Variants in C12orf56 observed in about 807,000 individuals in gnomAD.
The protein encoded by C12orf56 is chromosome 12 open reading frame 56.
C12orf56 carries 71 observed loss-of-function variants against 69.9 expected under a neutral mutation model. That is an observed-to-expected ratio of 1.02 (90% CI 0.84 to 1.24). The LOEUF (loss-of-function observed/expected upper bound fraction) is 1.24, where lower values mean the gene tolerates loss of function less well. Among genes scored for constraint, C12orf56 ranks in the 50% most tolerant of loss-of-function variants. The pLI is 0.00. For synonymous variants in C12orf56, 276 were observed against 274.1 expected, an observed-to-expected ratio of 1.01 and a Z score of -0.07; for missense variants, 732 against 738.5, an observed-to-expected ratio of 0.99 and a Z score of 0.10.
chr12:64,375,391 T>A (rs540097163), intron 1 of C12orf56, among the ~76,000 whole-genome samples: 1 of 152,240 alleles, frequency 6.6e-6, no homozygotes, highest in South Asian at 2.1e-4. Context: ...GGAAATGAGG[T>A]TAGAGGAAAA....
At chr12:64,337,687 A>C (rs1184611857) in intron 2 of C12orf56, among the ~76,000 whole-genome samples, 2 of 151,772 alleles carry the variant, frequency 1.3e-5, no homozygotes, top group African/African-American at 4.8e-5. Context: ...CAAAAACCCA[A>C]CTCTACTAAA....
chr12:64,363,549 G>A (rs1290236827), intron 1 of C12orf56, among the ~76,000 whole-genome samples: 1 of 152,142 alleles, frequency 6.6e-6, no homozygotes, highest in Non-Finnish European at 1.5e-5. Flanking sequence ...GGAGGAAGAG[G>A]GGAAATGGTT....
intron 1 of C12orf56, among the ~76,000 whole-genome samples, chr12:64,357,925 A>AAGAAAT (rs1386484924): frequency 4.6e-5 from 7 of 151,850 alleles, no homozygotes; most frequent in African/African-American, 1.7e-4. Context: ...GAAAAAGAAA[A>AAGAAAT]AGAAATAAAG....
chr12:64,265,111 G>A lies in C12orf56; in HGVS notation c.*2072C>T, dbSNP rs921357781. ...AAGGCAGAGCTGAGTTGATCCTCTCGTTGTCATCCTGCGGGTTCATCAGTA... is the reference window on the plus strand; with the variant it reads ...AAGGCAGAGCTGAGTTGATCCTCTCATTGTCATCCTGCGGGTTCATCAGTA... On this transcript the variant is annotated 3_prime_UTR_variant, in exon 13 of 13. Transcript: ENST00000543942. 2.0e-5 allele frequency: 3 copies of A among 152,212 alleles called. No individual in the cohort carries two copies. The highest frequency in any genetic ancestry group is 2.1e-4 in the South Asian group (1 of 4,828). 9.4% of individuals were successfully genotyped at this position (152,212 alleles called of 1,614,324 possible). A position where few individuals can be genotyped will look rare whatever the true frequency, so the allele number is the denominator to read the frequency against.
At chr12:64,346,661 G>A (rs1038718421) in intron 2 of C12orf56, among the ~76,000 whole-genome samples, 6 of 152,124 alleles carry the variant, frequency 3.9e-5, no homozygotes, top group Non-Finnish European at 8.8e-5. Flanking sequence ...AGTAGAGGAG[G>A]AGTGAAAGTT....
At chr12:64,352,132 G>A (rs1343240275) in intron 2 of C12orf56, among the ~76,000 whole-genome samples, 2 of 147,594 alleles carry the variant, frequency 1.4e-5, no homozygotes, top group East Asian at 1.9e-4. Flanking sequence ...TTTTTTACCA[G>A]TCAGGCTTTT....
chr12:64,369,587 T>C (rs2039542649), intron 1 of C12orf56, among the ~76,000 whole-genome samples: 1 of 152,212 alleles, frequency 6.6e-6, no homozygotes, highest in Non-Finnish European at 1.5e-5. Context: ...TCTGTGTTGA[T>C]GGGAACACAA....
At chr12:64,352,385 C>A (rs1007694575) in intron 2 of C12orf56, 1 of 152,312 alleles carries the variant, frequency 6.6e-6, no homozygotes, top group Non-Finnish European at 1.5e-5. Flanking sequence ...AACAGCGCCC[C>A]CTGTCAGCTG....
At chr12:64,379,849 C>T (rs1427070974) in intron 1 of C12orf56, among the ~76,000 whole-genome samples, 2 of 147,972 alleles carry the variant, frequency 1.4e-5, no homozygotes, top group Non-Finnish European at 3.0e-5. Flanking sequence ...TTTGGGAGGC[C>T]GAGGTGGGCG....
intron 6 of C12orf56, among the ~76,000 whole-genome samples, chr12:64,289,755 T>A (rs2038264145): frequency 2.1e-5 from 1 of 47,314 alleles, no homozygotes; most frequent in African/African-American, 5.1e-5. Context: ...GTTTTGCCAG[T>A]ATTTTATTGA....
At chr12:64,284,139 C>T (rs372018343) in intron 8 of C12orf56, among the ~76,000 whole-genome samples, 65 of 152,218 alleles carry the variant, frequency 4.3e-4, no homozygotes, top group African/African-American at 1.4e-3. Flanking sequence ...CTCAGGTGAT[C>T]CACCCGCCTT....
chr12:64,342,859 T>C (rs1214943330), intron 2 of C12orf56, among the ~76,000 whole-genome samples: 2 of 152,152 alleles, frequency 1.3e-5, no homozygotes, highest in Non-Finnish European at 2.9e-5. Context: ...TATGGGGGCC[T>C]CCCAAAGGCT....
chr12:64,356,634 C>T (rs145689810), intron 1 of C12orf56, among the ~76,000 whole-genome samples: 15 of 152,154 alleles, frequency 9.9e-5, no homozygotes, highest in Non-Finnish European at 1.3e-4. Flanking sequence ...TAAGTCAGGA[C>T]GGAGCAGGTG....
intron 1 of C12orf56, among the ~76,000 whole-genome samples, chr12:64,359,134 C>G (rs1040359890): frequency 6.6e-6 from 1 of 152,094 alleles, no homozygotes. Context: ...AACCCTCATG[C>G]GAAAGATGCC....
Position 64,264,839 on chromosome 12 carries a change from T to G in C12orf56, c.*2344A>C, listed in dbSNP as rs141827751. On this transcript the variant is annotated 3_prime_UTR_variant, in exon 13 of 13. Transcript: ENST00000543942. The stretch of plus-strand genomic sequence containing the variant: ...ATGAATAGACATGAGTTATACAGAG[T>G]AGACTGAAGAAAATCAGGGTGACAA... 2 of 152,224 alleles carry G rather than the reference T, an allele frequency of 1.3e-5. No homozygotes were observed. The highest frequency in any genetic ancestry group is 3.9e-4 in the East Asian group (2 of 5,176). The allele number at this position is 152,224 out of a possible 1,614,324, so 9.4% of individuals were successfully genotyped here.
chr12:64,270,602 T>G lies in C12orf56; in HGVS notation c.1697A>C (p.Lys566Thr), dbSNP rs768967091. ...VLLYQQFYIL[K>T]SCLRHSRTLA... ...AGTCCTGCTGTGCCGCAGACAGCTC[T>G]TGAGGATGTAAAATTGCTGGTACAA... Residue 566 changes from lysine to threonine, a missense_variant, in exon 12 of 13, where the codon AAG becomes ACG. Lys to Thr is a moderately conservative substitution (Grantham distance 78, BLOSUM62 -1). Transcript: ENST00000543942. 1 of 1,613,732 alleles carries G rather than the reference T, an allele frequency of 6.2e-7. No individual in the cohort carries two copies. Among genetic ancestry groups the G allele is most frequent in the Admixed American group, 1.7e-5 (1 of 59,972 alleles).
chr12:64,381,857 T>C (rs1351028936), intron 1 of C12orf56, among the ~76,000 whole-genome samples: 1 of 152,196 alleles, frequency 6.6e-6, no homozygotes, highest in Non-Finnish European at 1.5e-5. Context: ...GAAGATGACG[T>C]CATTTGGTAA....
At chr12:64,270,421 A>G in intron 12 of C12orf56, 115 bp downstream of exon 12, 1 of 989,372 alleles carries the variant, frequency 1.0e-6, no homozygotes, top group Non-Finnish European at 1.4e-6. Context: ...AACAAACAAA[A>G]AAGAATTCCT....
intron 7 of C12orf56, 45 bp from the exon 8 acceptor site, chr12:64,284,798 T>C (rs1565738024): frequency 7.0e-7 from 1 of 1,427,104 alleles, no homozygotes; most frequent in Non-Finnish European, 9.5e-7. Context: ...ATGATTTCAT[T>C]AGAAGCTCAG....
Sources: gnomAD v4.1 joint callset for allele counts (sites outside exome capture counted in the v4.1 genomes callset) on GRCh38, gnomAD v4.1.1 for gene constraint, MANE v1.5 for transcripts, NCBI Gene and HGNC (gene_info 2026-07-23, HGNC 2026-07-21) for gene names.